The following RERG variants were observed in gnomAD, a reference collection of about 807,000 sequenced individuals.
The protein encoded by RERG is ras-related and estrogen-regulated growth inhibitor.
A neutral mutation model predicts 23.2 loss-of-function variants in RERG; 25 were observed. The ratio of observed to expected loss-of-function variants is 1.08; its 90% CI spans 0.79 to 1.50. RERG has a LOEUF of 1.50. Among genes scored for constraint, RERG ranks in the 40% most tolerant of loss-of-function variants. The pLI is 0.00. For missense variants in RERG, 253 were observed against 250.1 expected (o/e 1.01, Z -0.08); for synonymous variants, 81 against 89.1 (o/e 0.91, Z 0.51).
chr12:15,176,870 T>C (rs1273525554), intron 2 of RERG, among the ~76,000 whole-genome samples: 2 of 152,214 alleles, frequency 1.3e-5, no homozygotes, highest in Non-Finnish European at 2.9e-5. Flanking sequence ...ATCTGATCAT[T>C]TGGTAAAAGA....
intron 2 of RERG, among the ~76,000 whole-genome samples, chr12:15,144,927 A>C (rs1332919681): frequency 6.6e-6 from 1 of 152,210 alleles, no homozygotes; most frequent in African/African-American, 2.4e-5. Context: ...AAGGTTGTGA[A>C]ATGAGTGGGA....
At position 15,111,394 on chromosome 12, in the gene RERG, T is replaced by A. The variant is rs757093688; in HGVS notation, c.142A>T (p.Thr48Ser). The A allele has an allele frequency of 5.6e-6, 9 of 1,613,408 alleles. No individual in the cohort carries two copies. The highest frequency in any genetic ancestry group is 7.6e-6 in the Non-Finnish European group (9 of 1,179,594). Reference protein sequence around the residue: ...TLESTYRHQATIDDEVVSMEI... With the variant: ...TLESTYRHQASIDDEVVSMEI... ...ATGGAAACAACTTCATCATCGATGG[T>A]TGCTTGGTGTCGGTAGGTTGATTCT... Residue 48 changes from threonine (T) to serine (S), a missense_variant, in exon 4 of 5, where the codon ACC becomes TCC. Coordinates refer to ENST00000256953, the MANE Select transcript of RERG (RefSeq NM_032918.3).
chr12:15,178,833 C>T (rs1010164478), intron 2 of RERG, among the ~76,000 whole-genome samples: 2 of 151,994 alleles, frequency 1.3e-5, no homozygotes, highest in Admixed American at 6.6e-5. Context: ...AAGAGATTAC[C>T]CCTGTCAATA....
chr12:15,166,497 T>C (rs1864689706), intron 2 of RERG, among the ~76,000 whole-genome samples: 1 of 149,250 alleles, frequency 6.7e-6, no homozygotes, highest in Non-Finnish European at 1.5e-5. Flanking sequence ...ATGATGATGA[T>C]GATGGGGATG....
chr12:15,149,450 G>A (rs1864400742), intron 2 of RERG, among the ~76,000 whole-genome samples: 1 of 152,122 alleles, frequency 6.6e-6, no homozygotes, highest in Non-Finnish European at 1.5e-5. Flanking sequence ...GGTGGGAGGG[G>A]AGGTGGATGA....
In RERG at chr12:15,217,455, A is replaced by C. The variant is rs1165321719; in HGVS notation, c.35T>G (p.Phe12Cys). 1 of 1,613,666 alleles carries C rather than the reference A, an allele frequency of 6.2e-7. No individual in the cohort carries two copies. The highest frequency in any genetic ancestry group is 8.5e-7 in the Non-Finnish European group (1 of 1,179,634). Residue 12 changes from phenylalanine (F) to cysteine (C), a missense_variant, in exon 2 of 5, where the codon TTT becomes TGT. Coordinates refer to ENST00000256953, the MANE Select transcript of RERG (RefSeq NM_032918.3). ...AKSAEVKLAIFGRAGVGKSAL... is the reference protein window; with the variant it reads ...AKSAEVKLAICGRAGVGKSAL... Reference sequence around the variant, plus strand: ...TGACTTGCCCACGCCTGCTCTCCCAAATATTGCCAGTTTGACCTCCGCACT... The same window carrying C: ...TGACTTGCCCACGCCTGCTCTCCCACATATTGCCAGTTTGACCTCCGCACT...
In RERG at chr12:15,201,526, T is replaced by C. The variant is rs553688975; in HGVS notation, c.61+15903A>G. On this transcript the variant is annotated intron_variant, in intron 2 of 4. Transcript: ENST00000256953. ...GCTTATGGTAAATGATATGCTAATA[T>C]CATTACCTAATTAATATTAGCTAAT... 2.5e-4 allele frequency among the ~76,000 whole-genome samples: 38 copies of C among 150,898 alleles called. No individual in the cohort carries two copies. The East Asian group carries it at 7.4e-3, about 29-fold the overall frequency.
At chr12:15,161,160 A>C (rs1012488567) in intron 2 of RERG, among the ~76,000 whole-genome samples, 1 of 126,346 alleles carries the variant, frequency 7.9e-6, no homozygotes, top group South Asian at 2.9e-4. Flanking sequence ...GAAAGAAAGA[A>C]AGAAAGAAAG....
chr12:15,198,959 A>G (rs1865181549), intron 2 of RERG, among the ~76,000 whole-genome samples: 1 of 152,168 alleles, frequency 6.6e-6, no homozygotes, highest in Admixed American at 6.5e-5. Flanking sequence ...ACATCTGCAA[A>G]GTCCCTCTTG....
intron 2 of RERG, among the ~76,000 whole-genome samples, chr12:15,163,304 A>C (rs1864640474): frequency 6.6e-6 from 1 of 152,206 alleles, no homozygotes; most frequent in Admixed American, 6.5e-5. Flanking sequence ...TCATTTTGTG[A>C]CTCAGAGTCA....
intron 2 of RERG, among the ~76,000 whole-genome samples, chr12:15,198,020 T>G (rs1381504504): frequency 6.6e-6 from 1 of 152,150 alleles, no homozygotes; most frequent in South Asian, 2.1e-4. Flanking sequence ...AAAGCAAAGA[T>G]GCCTGAGAAT....
At chr12:15,167,609 AAGAC>A (rs1864714563) in intron 2 of RERG, among the ~76,000 whole-genome samples, 1 of 152,174 alleles carries the variant, frequency 6.6e-6, no homozygotes, top group Non-Finnish European at 1.5e-5. Context: ...ATATGCCAAA[AAGAC>A]AGGCAGTTTT....
chr12:15,151,396 G>A (rs759044224), intron 2 of RERG, among the ~76,000 whole-genome samples: 3 of 152,080 alleles, frequency 2.0e-5, no homozygotes, highest in African/African-American at 4.8e-5. Context: ...GTGTTTCCAC[G>A]CAACAGCCAA....
At chr12:15,163,953 T>G (rs1033982422) in intron 2 of RERG, among the ~76,000 whole-genome samples, 1 of 151,972 alleles carries the variant, frequency 6.6e-6, no homozygotes, top group African/African-American at 2.4e-5. Flanking sequence ...AGAGAAACAT[T>G]GTGGTTTTTC....
At chr12:15,170,106 C>T (rs777095469) in intron 2 of RERG, among the ~76,000 whole-genome samples, 36 of 152,000 alleles carry the variant, frequency 2.4e-4, no homozygotes, top group Non-Finnish European at 3.7e-4. Context: ...AAATGGCACT[C>T]ATAAATGAAT....
intron 2 of RERG, among the ~76,000 whole-genome samples, chr12:15,166,550 T>G (rs1037035489): frequency 4.8e-4 from 58 of 120,840 alleles, no homozygotes; most frequent in Admixed American, 3.5e-3. Context: ...GGTAGTGGTG[T>G]TGGTGGTGGT....
intron 2 of RERG, among the ~76,000 whole-genome samples, chr12:15,159,481 A>G (rs1206542389): frequency 6.6e-6 from 1 of 152,232 alleles, no homozygotes; most frequent in Non-Finnish European, 1.5e-5. Flanking sequence ...GTTTTCAAAT[A>G]AAAGTTATTG....
In RERG at chr12:15,177,839, G is replaced by GTTTTTT. The variant is rs11304470; in HGVS notation, c.61+39584_61+39589dup. ...GATATCTCTCTGGCTCCCTCTGTTT[G>GTTTTTT]TTTTTTTTTTTTTTTTTTTTAGCTG... On this transcript the variant is annotated intron_variant, in intron 2 of 4. Coordinates refer to ENST00000256953, the MANE Select transcript of RERG (RefSeq NM_032918.3). 2.3e-4 allele frequency among the ~76,000 whole-genome samples: 26 copies of GTTTTTT among 112,912 alleles called. 1 individual carries two copies. Among genetic ancestry groups the GTTTTTT allele is most frequent in the Non-Finnish European group, 3.4e-4 (18 of 53,144 alleles). The allele number at this position is 112,912 out of a possible 152,430, so 74.1% of individuals were successfully genotyped here. A position where few individuals can be genotyped will look rare whatever the true frequency, so the allele number is the denominator to read the frequency against.
intron 2 of RERG, among the ~76,000 whole-genome samples, chr12:15,213,682 T>A (rs1865399552): frequency 6.6e-6 from 1 of 152,216 alleles, no homozygotes. Context: ...TCCTTAGTAA[T>A]CAGCACATTA....
Sources: allele counts gnomAD v4.1 joint callset (sites outside exome capture counted in the v4.1 genomes callset), GRCh38; gene constraint gnomAD v4.1.1; transcripts MANE v1.5; gene names NCBI Gene and HGNC (gene_info 2026-07-23, HGNC 2026-07-21).